The following CACNA1E variants were observed in gnomAD, a reference collection of about 807,000 sequenced individuals.
CACNA1E encodes voltage-dependent R-type calcium channel subunit alpha-1E.
A neutral mutation model predicts 259.2 loss-of-function variants in CACNA1E; 40 were observed. The ratio of observed to expected loss-of-function variants is 0.15; its 90% CI spans 0.12 to 0.20. The LOEUF (loss-of-function observed/expected upper bound fraction) is 0.20. Among genes scored for constraint, CACNA1E ranks in the 10% least tolerant of loss-of-function variants. CACNA1E has a pLI of 1.00. For synonymous variants in CACNA1E, 1,104 were observed against 1,138.5 expected (o/e 0.97, Z 0.61); for missense variants, 1,874 against 3,040.1 (o/e 0.62, Z 9.02).
chr1:181,688,166 C>T (rs1650776668), intron 7 of CACNA1E, among the ~76,000 whole-genome samples: 1 of 152,146 alleles, frequency 6.6e-6, no homozygotes, highest in Non-Finnish European at 1.5e-5. Flanking sequence ...ACCCAATTGC[C>T]TTTCCTGCAA....
At chr1:181,726,474 G>C (rs1194613056) in intron 18 of CACNA1E, among the ~76,000 whole-genome samples, 1 of 152,224 alleles carries the variant, frequency 6.6e-6, no homozygotes, top group African/African-American at 2.4e-5. Flanking sequence ...CTCTGAAGGG[G>C]AGCTGTTTAA....
At chr1:181,772,712 AATG>A (rs1320947756) in intron 37 of CACNA1E, among the ~76,000 whole-genome samples, 1 of 152,216 alleles carries the variant, frequency 6.6e-6, no homozygotes, top group African/African-American at 2.4e-5. Flanking sequence ...ATAAGAGTAG[AATG>A]ATGATAATGG....
intron 1 of CACNA1E, among the ~76,000 whole-genome samples, chr1:181,363,626 T>TA (rs1654052058): frequency 6.7e-6 from 1 of 148,474 alleles, no homozygotes; most frequent in Non-Finnish European, 1.5e-5. Flanking sequence ...CACAAAACAG[T>TA]TTGTCAACCA....
intron 1 of CACNA1E, among the ~76,000 whole-genome samples, chr1:181,411,393 G>A (rs1657832650): frequency 6.6e-6 from 1 of 152,208 alleles, no homozygotes; most frequent in Non-Finnish European, 1.5e-5. Flanking sequence ...CTTTAGGGGT[G>A]TAGTAGTGGA....
chr1:181,447,201 T>TC (rs559459610), intron 2 of CACNA1E, among the ~76,000 whole-genome samples: 3,327 of 152,022 alleles, frequency 0.022, 55 homozygotes, highest in South Asian at 0.054. Flanking sequence ...TTTTGGGATT[T>TC]TCCCCCCCTA....
chr1:181,709,775 G>A (rs560401819), intron 7 of CACNA1E, among the ~76,000 whole-genome samples: 13 of 152,146 alleles, frequency 8.5e-5, no homozygotes, highest in Admixed American at 5.2e-4. Flanking sequence ...TTACAGGCAT[G>A]AGCCACTGTG....
rs74127811 is a variant in CACNA1E, at chr1:181,639,849, G to A, written c.952-11489G>A. ...GAGGGCAGCAGGAGAGTGAATAAGA[G>A]AGTACAAATCATCACAAATCAAGAG... On this transcript the variant is annotated intron_variant, in intron 6 of 47. Transcript: ENST00000367573. Among the ~76,000 whole-genome samples the A allele has an allele frequency of 3.1e-3, 476 of 152,326 alleles. 4 individuals are homozygous for A. Among genetic ancestry groups the A allele is most frequent in the African/African-American group, 0.011 (468 of 41,578 alleles).
intron 1 of CACNA1E, among the ~76,000 whole-genome samples, chr1:181,354,255 G>A (rs1425480741): frequency 1.3e-5 from 2 of 151,590 alleles, no homozygotes; most frequent in Admixed American, 6.6e-5. Flanking sequence ...GGTACCCATC[G>A]TGAGCCAGGC....
Position 181,514,748 on chromosome 1 carries a change from G to A in CACNA1E, c.512+3238G>A, listed in dbSNP as rs944651647. Among the ~76,000 whole-genome samples the A allele has an allele frequency of 4.6e-5, 7 of 152,130 alleles. No individual in the cohort carries two copies. In the South Asian group the frequency reaches 1.5e-3, roughly 32 times the overall value. ...TGGGTGCTGAGGTGTCAGTCAGCTG[G>A]CTCAGTGTAAGACCTGCTCTTATTG... is the stretch of plus-strand genomic sequence containing the variant. On this transcript the variant is annotated intron_variant, in intron 3 of 47. Coordinates refer to ENST00000367573, the MANE Select transcript of CACNA1E (RefSeq NM_001205293.3).
rs1160954119 is a variant in CACNA1E, at chr1:181,406,122, C to T, written c.-14-7011C>T. Among the ~76,000 whole-genome samples the T allele has an allele frequency of 3.3e-5, 5 of 152,298 alleles. No individual in the cohort carries two copies. In the East Asian group the frequency reaches 9.6e-4, roughly 29 times the overall value. ...CCTTCCCCAGGGGATGGCAGAGCCACTGAATGAAAGGAACCTGGTTCCCTG... is the reference window on the plus strand; with the variant it reads ...CCTTCCCCAGGGGATGGCAGAGCCATTGAATGAAAGGAACCTGGTTCCCTG... On this transcript the variant is annotated intron_variant, in intron 1 of 11. Coordinates refer to the CACNA1E transcript ENST00000524607.
At chr1:181,349,428 A>G (rs1360153370) in intron 1 of CACNA1E, among the ~76,000 whole-genome samples, 1 of 152,252 alleles carries the variant, frequency 6.6e-6, no homozygotes, top group East Asian at 1.9e-4. Flanking sequence ...GGTACATTTC[A>G]GGGCTAAATT....
At chr1:181,456,936 C>T (rs1463963158) in intron 2 of CACNA1E, among the ~76,000 whole-genome samples, 3 of 152,194 alleles carry the variant, frequency 2.0e-5, no homozygotes, top group African/African-American at 7.2e-5. Context: ...TAATTTTAAT[C>T]TTTAAGACTG....
intron 7 of CACNA1E, among the ~76,000 whole-genome samples, chr1:181,686,283 T>TTTTTTTTGTTTTG (rs1553321332): frequency 8.1e-6 from 1 of 122,764 alleles, no homozygotes; most frequent in Admixed American, 8.8e-5. Flanking sequence ...AAGTTTTTTT[T>TTTTTTTTGTTTTG]TTTTTTTTTT....
intron 1 of CACNA1E, among the ~76,000 whole-genome samples, chr1:181,332,919 G>A (rs983079220): frequency 6.6e-6 from 1 of 152,124 alleles, no homozygotes; most frequent in Admixed American, 6.5e-5. Flanking sequence ...GCTATCCATC[G>A]TGAGTCAACC....
intron 6 of CACNA1E, among the ~76,000 whole-genome samples, chr1:181,635,136 C>T (rs779447549): frequency 6.6e-6 from 1 of 152,230 alleles, no homozygotes; most frequent in African/African-American, 2.4e-5. Flanking sequence ...TTTCCAGGAG[C>T]CCTACTGGGG....
At chr1:181,429,021 A>G (rs575499188) in intron 2 of CACNA1E, among the ~76,000 whole-genome samples, 3 of 152,140 alleles carry the variant, frequency 2.0e-5, no homozygotes, top group Non-Finnish European at 4.4e-5. Context: ...ATCTCTACTA[A>G]AAATATAAAA....
chr1:181,478,542 T>C (rs1489292978), upstream of CACNA1E, among the ~76,000 whole-genome samples: 1 of 152,248 alleles, frequency 6.6e-6, no homozygotes, highest in Non-Finnish European at 1.5e-5. Context: ...GAGCACTGCT[T>C]TGCATAAGAG....
intron 7 of CACNA1E, among the ~76,000 whole-genome samples, chr1:181,701,681 A>G (rs1015709251): frequency 6.6e-6 from 1 of 152,174 alleles, no homozygotes; most frequent in Non-Finnish European, 1.5e-5. Context: ...CGAAACAGAG[A>G]TGAAAGTGTG....
At chr1:181,748,027 A>G (rs1657257317) in intron 25 of CACNA1E, among the ~76,000 whole-genome samples, 1 of 152,252 alleles carries the variant, frequency 6.6e-6, no homozygotes, top group South Asian at 2.1e-4. Context: ...AAAACTGAGG[A>G]TGAAAGCATA....
Sources: allele counts gnomAD v4.1 joint callset (sites outside exome capture counted in the v4.1 genomes callset), GRCh38; gene constraint gnomAD v4.1.1; transcripts MANE v1.5; gene names NCBI Gene and HGNC (gene_info 2026-07-23, HGNC 2026-07-21).